PLPP4: variants seen among roughly 807,000 people sequenced by gnomAD.
PLPP4 encodes diacylglycerol pyrophosphate like 2.
A neutral mutation model predicts 32.2 loss-of-function variants in PLPP4; 20 were observed. That is an observed-to-expected ratio of 0.62 (90% CI 0.44 to 0.90). The LOEUF is 0.90. PLPP4 is among the 40% of genes least tolerant of loss of function. PLPP4 has a pLI of 0.00. For synonymous variants in PLPP4, 127 were observed against 133.0 expected, an observed-to-expected ratio of 0.95 and a Z score of 0.31; for missense variants, 257 against 353.1, an observed-to-expected ratio of 0.73 and a Z score of 2.18.
chr10:120,553,979 A>G (rs1848031395), intron 5 of PLPP4, among the ~76,000 whole-genome samples: 1 of 152,234 alleles, frequency 6.6e-6, no homozygotes, highest in South Asian at 2.1e-4. Context: ...CCAGTATGCA[A>G]ATTCTGTGGC....
At chr10:120,541,780 C>CTT (rs5788428) in intron 5 of PLPP4, among the ~76,000 whole-genome samples, 9,402 of 146,552 alleles carry the variant, frequency 0.064, 472 homozygotes, top group Middle Eastern at 0.14. Context: ...TTAAGTCATT[C>CTT]TTTTTTTTTT....
chr10:120,458,421 A>G (rs543294788), intron 1 of PLPP4, among the ~76,000 whole-genome samples: 2 of 152,296 alleles, frequency 1.3e-5, no homozygotes, highest in South Asian at 4.1e-4. Flanking sequence ...CCCGAGCCAA[A>G]CAGGAGGCCC....
intron 6 of PLPP4, among the ~76,000 whole-genome samples, chr10:120,577,941 C>T (rs1057233526): frequency 1.3e-5 from 2 of 152,194 alleles, no homozygotes; most frequent in African/African-American, 4.8e-5. Flanking sequence ...TGTCTCTAGA[C>T]ATCTTCTTGG....
Position 120,575,191 on chromosome 10 carries a change from C to T in PLPP4, c.506C>T (p.Thr169Ile), listed in dbSNP as rs1188468447. 6.2e-7 allele frequency: 1 copy of T among 1,613,900 alleles called. No homozygotes were observed. The highest frequency in any genetic ancestry group is 1.3e-5 in the African/African-American group (1 of 74,944). The change falls in exon 6 of 7, where the codon ACC becomes ATC. Residue 169 changes from threonine to isoleucine, a missense_variant. Physicochemically the swap from Thr to Ile is moderately conservative, Grantham distance 89. Transcript: ENST00000398250. ...TTGGCGGGCAAGCTGCACTGCTTCACCGAGAGTGGGCGGGGAAAGAGCTGG... is the reference window on the plus strand; with the variant it reads ...TTGGCGGGCAAGCTGCACTGCTTCATCGAGAGTGGGCGGGGAAAGAGCTGG... Reference protein sequence around the residue: ...FYLAGKLHCFTESGRGKSWRL... With the variant: ...FYLAGKLHCFIESGRGKSWRL...
chr10:120,463,434 A>G (rs527754714), intron 1 of PLPP4, among the ~76,000 whole-genome samples: 1 of 152,358 alleles, frequency 6.6e-6, no homozygotes, highest in South Asian at 2.1e-4. Flanking sequence ...CCACTAACTA[A>G]CAATTGCCTT....
intron 1 of PLPP4, among the ~76,000 whole-genome samples, chr10:120,502,247 C>G (rs1396741873): frequency 6.6e-6 from 1 of 152,112 alleles, no homozygotes; most frequent in Non-Finnish European, 1.5e-5. Flanking sequence ...GGGCCCAGTG[C>G]TGAGCAGAAC....
intron 5 of PLPP4, among the ~76,000 whole-genome samples, chr10:120,574,641 G>A (rs1209504256): frequency 1.3e-5 from 2 of 152,132 alleles, no homozygotes; most frequent in East Asian, 3.9e-4. Flanking sequence ...AAAAACCTGG[G>A]GCTGATCCTA....
In PLPP4 at chr10:120,575,374, G is replaced by A. The variant is rs534168819; in HGVS notation, c.616+73G>A. The A allele has an allele frequency of 9.9e-5, 147 of 1,486,564 alleles. 1 individual carries two copies. The African/African-American group carries it at 1.8e-3, about 18-fold the overall frequency. The allele number at this position is 1,486,564 out of a possible 1,614,324, so 92.1% of individuals were successfully genotyped here. On this transcript the variant is annotated intron_variant, in intron 6 of 6. Coordinates refer to ENST00000398250, the MANE Select transcript of PLPP4 (RefSeq NM_001030059.3). ...CTCCTCCAGGGATGGGTGTAGAAAT[G>A]CACCAATTGTGGGGAGCTAAGTGCC...
intron 1 of PLPP4, among the ~76,000 whole-genome samples, chr10:120,500,080 A>G (rs12784524): frequency 0.46 from 70,205 of 151,988 alleles, 16,544 homozygotes; most frequent in East Asian, 0.59. Context: ...AAGGGACATC[A>G]ATCTTTCTTA....
chr10:120,529,346 C>G (rs10886704), intron 5 of PLPP4, among the ~76,000 whole-genome samples: 53,584 of 151,994 alleles, frequency 0.35, 10,336 homozygotes, highest in South Asian at 0.47. Flanking sequence ...CTGAGGAAGC[C>G]TGTTCTAGGG....
intron 1 of PLPP4, among the ~76,000 whole-genome samples, chr10:120,501,216 C>G (rs1437635395): frequency 6.6e-6 from 1 of 152,200 alleles, no homozygotes; most frequent in African/African-American, 2.4e-5. Flanking sequence ...TGTTACGTAG[C>G]TACAGAAACT....
intron 1 of PLPP4, among the ~76,000 whole-genome samples, chr10:120,458,735 C>T (rs80033304): frequency 0.011 from 1,639 of 152,302 alleles, 36 homozygotes; most frequent in African/African-American, 0.036. Context: ...ACAAAACACT[C>T]TTCCCTTCTC....
At chr10:120,526,443 T>C (rs570677558) in intron 5 of PLPP4, among the ~76,000 whole-genome samples, 1 of 152,236 alleles carries the variant, frequency 6.6e-6, no homozygotes, top group Non-Finnish European at 1.5e-5. Flanking sequence ...TTTTCATTGG[T>C]TGACCTCCAG....
At chr10:120,526,048 G>A (rs1437221864) in intron 5 of PLPP4, among the ~76,000 whole-genome samples, 1 of 151,888 alleles carries the variant, frequency 6.6e-6, no homozygotes, top group Non-Finnish European at 1.5e-5. Flanking sequence ...TATCTTTTTA[G>A]TATCTCTTCT....
At chr10:120,466,018 A>G (rs1848291414) in intron 1 of PLPP4, among the ~76,000 whole-genome samples, 1 of 151,942 alleles carries the variant, frequency 6.6e-6, no homozygotes, top group Non-Finnish European at 1.5e-5. Flanking sequence ...AACATCTTAT[A>G]ATTTCTTGTA....
intron 6 of PLPP4, among the ~76,000 whole-genome samples, chr10:120,588,594 C>T (rs970960724): frequency 6.6e-6 from 1 of 152,120 alleles, no homozygotes; most frequent in African/African-American, 2.4e-5. Context: ...TACTACAGGA[C>T]TCTGATGGGA....
chr10:120,574,168 ACTCTCTCTCTCTCT>A (rs58917160), intron 5 of PLPP4, among the ~76,000 whole-genome samples: 1,134 of 46,820 alleles, frequency 0.024, 9 homozygotes, highest in Middle Eastern at 0.045. Flanking sequence ...ACACACACAC[ACTCTCTCTCTCTCT>A]CTCTCTCTCT....
intron 5 of PLPP4, among the ~76,000 whole-genome samples, chr10:120,547,450 GA>G (rs1847681691): frequency 6.6e-6 from 1 of 152,104 alleles, no homozygotes; most frequent in Non-Finnish European, 1.5e-5. Context: ...TTTAAAAATT[GA>G]TATTTTGGAG....
At chr10:120,463,600 T>C (rs1486462063) in intron 1 of PLPP4, among the ~76,000 whole-genome samples, 1 of 152,228 alleles carries the variant, frequency 6.6e-6, no homozygotes, top group Non-Finnish European at 1.5e-5. Flanking sequence ...CCCTATTGCA[T>C]ACATGTAGTG....
Sources: gnomAD v4.1 joint callset for allele counts (sites outside exome capture counted in the v4.1 genomes callset) on GRCh38, gnomAD v4.1.1 for gene constraint, MANE v1.5 for transcripts, NCBI Gene and HGNC (gene_info 2026-07-23, HGNC 2026-07-21) for gene names.